The following PCBP3 variants were observed in gnomAD, a reference collection of about 807,000 sequenced individuals.
PCBP3 encodes the protein poly(rC)-binding protein 3.
Under a neutral mutation model 52.7 loss-of-function variants are expected in PCBP3, and 25 were observed. The observed-to-expected ratio is 0.47, with a 90% CI of 0.35 to 0.66. PCBP3 has a LOEUF of 0.66. PCBP3 is among the 30% of genes least tolerant of loss of function. PCBP3 has a pLI of 0.01. For synonymous variants in PCBP3, 162 were observed against 183.0 expected (o/e 0.89, Z 0.93); for missense variants, 391 against 490.3 (o/e 0.80, Z 1.91).
rs1027086252 is a variant in PCBP3, at chr21:45,894,687, G to A, written c.11-1521G>A. Among the ~76,000 whole-genome samples, 14 of 152,176 alleles carry A rather than the reference G, an allele frequency of 9.2e-5. 1 individual carries two copies. The highest frequency in any genetic ancestry group is 2.7e-4 in the African/African-American group (11 of 41,446). ...TGCTTTTCCCCCAGTAGCTGCCGCC[G>A]CCCACACGAGGCTGTTTGGCACTTT... On this transcript the variant is annotated intron_variant, in intron 5 of 17. Coordinates refer to ENST00000681687, the MANE Select transcript of PCBP3 (RefSeq NM_001384156.1).
chr21:45,746,964 A>G (rs1370652882), intron 3 of PCBP3, among the ~76,000 whole-genome samples: 1 of 146,492 alleles, frequency 6.8e-6, no homozygotes, highest in African/African-American at 2.6e-5. Context: ...TGTTGTCAGC[A>G]TCGCTGTGTC....
chr21:45,653,112 T>G (rs556375582), intron 1 of PCBP3, among the ~76,000 whole-genome samples: 1 of 152,354 alleles, frequency 6.6e-6, no homozygotes, highest in East Asian at 1.9e-4. Flanking sequence ...CCAAAGATCC[T>G]GCTTTCTATG....
At chr21:45,745,089 G>A (rs2086729128) in intron 3 of PCBP3, among the ~76,000 whole-genome samples, 1 of 152,180 alleles carries the variant, frequency 6.6e-6, no homozygotes, top group Admixed American at 6.5e-5. Context: ...TGCCCAGAGG[G>A]ACCCCATGGG....
intron 2 of PCBP3, chr21:45,732,590 A>G (rs1035485642): frequency 6.8e-6 from 1 of 146,954 alleles, no homozygotes; most frequent in African/African-American, 2.5e-5. Context: ...GTGGTTGGGG[A>G]TTGTTGACCT....
intron 4 of PCBP3, among the ~76,000 whole-genome samples, chr21:45,772,574 A>G (rs2089959179): frequency 6.6e-6 from 1 of 152,204 alleles, no homozygotes; most frequent in Non-Finnish European, 1.5e-5. Flanking sequence ...CTTTGGGTAG[A>G]TACCCAGTAG....
At chr21:45,889,250 C>T (rs1043240021) in intron 5 of PCBP3, among the ~76,000 whole-genome samples, 10 of 152,140 alleles carry the variant, frequency 6.6e-5, no homozygotes, top group African/African-American at 2.2e-4. Context: ...GTAAGTGCCC[C>T]GAGCTGCCGT....
chr21:45,918,461 T>C (rs9979123), intron 13 of PCBP3: 6 of 61,960 alleles, frequency 9.7e-5, no homozygotes, highest in East Asian at 2.6e-4. Context: ...AAGAAGTTAC[T>C]CTCAGATAAA....
intron 4 of PCBP3, among the ~76,000 whole-genome samples, chr21:45,780,521 G>A (rs907719955): frequency 6.6e-6 from 1 of 152,204 alleles, no homozygotes; most frequent in South Asian, 2.1e-4. Context: ...ACTTGTTTAT[G>A]CTGGCTGATG....
rs538834132 is a variant in PCBP3 at position 45,900,635 on chromosome 21, G to A, written c.222+12G>A. The A allele has an allele frequency of 2.5e-6, 4 of 1,595,890 alleles. No homozygotes were observed. The South Asian group carries it at 3.3e-5, about 13-fold the overall frequency. On this transcript the variant is annotated intron_variant, in intron 8 of 17. Coordinates refer to ENST00000681687, the MANE Select transcript of PCBP3 (RefSeq NM_001384156.1). ...AGATGCGTGAGGAGGTGAGTGTGGT[G>A]GGTCCCCACCTGTCCGCAGCCATTC...
intron 4 of PCBP3, among the ~76,000 whole-genome samples, chr21:45,784,427 T>G (rs945351124): frequency 5.5e-3 from 512 of 92,808 alleles, no homozygotes; most frequent in Admixed American, 0.01. Context: ...TACCCCTACC[T>G]CCTACCTCCT....
intron 2 of PCBP3, among the ~76,000 whole-genome samples, chr21:45,717,308 G>A (rs151140311): frequency 1.3e-5 from 2 of 152,028 alleles, no homozygotes; most frequent in African/African-American, 4.8e-5. Flanking sequence ...TTCCTTTTCA[G>A]TCTGGATGCC....
chr21:45,927,375 T>G (rs1043027607), intron 13 of PCBP3, among the ~76,000 whole-genome samples: 30 of 800 alleles, frequency 0.037, no homozygotes, highest in African/African-American at 0.097. Flanking sequence ...CCTACCTGAC[T>G]TTCTTCCTCT....
In PCBP3 at chr21:45,853,381, G is replaced by A. The variant is rs937740122; in HGVS notation, c.10+3286G>A. Among the ~76,000 whole-genome samples, 12 of 152,176 alleles carry A rather than the reference G, an allele frequency of 7.9e-5. No individual in the cohort carries two copies. The highest frequency in any genetic ancestry group is 1.6e-4 in the Non-Finnish European group (11 of 68,034). ...ACTGGTGGAGGGTGTCCAGGTTCTT[G>A]GCGTTTTGAAAAAATAATTGGACAA... is the stretch of plus-strand genomic sequence containing the variant. On this transcript the variant is annotated intron_variant, in intron 5 of 17. Transcript: ENST00000681687. This position sits in a 1 kb window ranked among gnomAD's most constrained non-coding sequence, Gnocchi z 4.6.
At chr21:45,784,420 C>CCCTACCTCCTACCTCCTACCTCCTACCT (rs537648185) in intron 4 of PCBP3, among the ~76,000 whole-genome samples, 50 of 125,260 alleles carry the variant, frequency 4.0e-4, no homozygotes, top group Admixed American at 1.4e-3. Flanking sequence ...CTACCGCTAC[C>CCCTACCTCCTACCTCCTACCTCCTACCT]CCTACCTCCT....
At chr21:45,670,996 G>A (rs1344288802) in intron 2 of PCBP3, among the ~76,000 whole-genome samples, 1 of 152,168 alleles carries the variant, frequency 6.6e-6, no homozygotes, top group African/African-American at 2.4e-5. Flanking sequence ...CACACATGGA[G>A]AAGGCACACA....
rs746275325 is a variant in PCBP3 at position 45,917,709 on chromosome 21, C to G, written c.717+80C>G. ...ACCTGCATGCTGCTGTTAATTGCTA[C>G]TAACATTAATATTACACAATAATAT... On this transcript the variant is annotated intron_variant, in intron 13 of 17. Transcript: ENST00000681687. This position sits in a 1 kb window ranked among gnomAD's most constrained non-coding sequence, Gnocchi z 5.3. The G allele has an allele frequency of 9.4e-7, 1 of 1,067,712 alleles. No homozygotes were observed. Among genetic ancestry groups the G allele is most frequent in the East Asian group, 2.4e-5 (1 of 42,426 alleles). 66.1% of individuals were successfully genotyped at this position (1,067,712 alleles called of 1,614,324 possible). A position where few individuals can be genotyped will look rare whatever the true frequency, so the allele number is the denominator to read the frequency against.
intron 4 of PCBP3, among the ~76,000 whole-genome samples, chr21:45,810,698 G>C (rs1220323854): frequency 6.6e-6 from 1 of 152,120 alleles, no homozygotes; most frequent in Non-Finnish European, 1.5e-5. Context: ...CAATGACTTT[G>C]GAATTATTCC....
At chr21:45,889,716 C>A (rs1354177173) in intron 5 of PCBP3, among the ~76,000 whole-genome samples, 1 of 152,200 alleles carries the variant, frequency 6.6e-6, no homozygotes, top group Admixed American at 6.5e-5. Flanking sequence ...CAGTACATTG[C>A]GGTGGCTACA....
chr21:45,764,699 G>A (rs1341194336), intron 4 of PCBP3, among the ~76,000 whole-genome samples: 2 of 152,196 alleles, frequency 1.3e-5, no homozygotes, highest in African/African-American at 4.8e-5. Context: ...GCCAGCTCAA[G>A]AGTGTTTTCA....
Sources: allele counts gnomAD v4.1 joint callset (sites outside exome capture counted in the v4.1 genomes callset), GRCh38; gene constraint gnomAD v4.1.1; non-coding constraint Gnocchi (gnomAD v3.1); transcripts MANE v1.5; gene names NCBI Gene and HGNC (gene_info 2026-07-23, HGNC 2026-07-21).